The following PIGG variants were observed in gnomAD, a reference collection of about 807,000 sequenced individuals.
PIGG encodes the protein phosphatidylinositol glycan anchor biosynthesis class G (EMM blood group).
Under a neutral mutation model 83.2 loss-of-function variants are expected in PIGG, and 70 were observed. The observed-to-expected ratio is 0.84, with a 90% confidence interval of 0.69 to 1.03. The LOEUF is 1.03. PIGG is among the 50% of genes least tolerant of loss of function. PIGG has a pLI of 0.00. For missense variants in PIGG, 1,257 were observed against 1,233.6 expected (o/e 1.02, Z -0.28); for synonymous variants, 532 against 519.5 (o/e 1.02, Z -0.33).
At chr4:501,240 A>T (rs1048455628) in intron 2 of PIGG, 8 of 431,386 alleles carry the variant, frequency 1.9e-5, no homozygotes, top group Non-Finnish European at 3.2e-5. Context: ...TGGGTATGCA[A>T]TTGGGGAAAA....
chr4:521,204 G>A lies in PIGG; in HGVS notation c.1263G>A (p.Leu421=). The A allele has an allele frequency of 6.2e-7, 1 of 1,614,206 alleles. No homozygotes were observed. The highest frequency in any genetic ancestry group is 8.5e-7 in the Non-Finnish European group (1 of 1,180,032). The change falls in exon 7 of 13, where the codon TTG becomes TTA. Residue 421 remains leucine, a synonymous_variant. Transcript: ENST00000453061. The part of the protein sequence containing the change: ...QYLDALKTLS[L]SLSAQVAQYD... Reference sequence around the variant, plus strand: ...TGGATGCTCTGAAGACGCTGAGCTTGTCCCTGAGTGCACAAGTGGCCCAGT... The same window carrying A: ...TGGATGCTCTGAAGACGCTGAGCTTATCCCTGAGTGCACAAGTGGCCCAGT...
At chr4:536,541 G>C (rs899207326) in intron 12 of PIGG, among the ~76,000 whole-genome samples, 1 of 152,206 alleles carries the variant, frequency 6.6e-6, no homozygotes, top group African/African-American at 2.4e-5. Flanking sequence ...TCCAGACTTC[G>C]ATTCTGCATA....
intron 2 of PIGG, among the ~76,000 whole-genome samples, chr4:503,909 C>T (rs1400074577): frequency 6.6e-6 from 1 of 151,672 alleles, no homozygotes; most frequent in Non-Finnish European, 1.5e-5. Flanking sequence ...AAAGGATACT[C>T]ACCAAGAGTA....
rs1240428833 is a variant in PIGG, at chr4:499,793, C to T, written c.154+304C>T. On this transcript the variant is annotated intron_variant, in intron 1 of 12. Transcript: ENST00000453061. ...CTCGTCCAGAGCTCCCGCCCCTTTC[C>T]TGAGCAGCCTTTGGGTCACTCCCCG... The T allele has an allele frequency of 3.3e-6, 4 of 1,204,616 alleles. No homozygotes were observed. The African/African-American group carries it at 6.4e-5, about 19-fold the overall frequency. 74.6% of individuals were successfully genotyped at this position (1,204,616 alleles called of 1,614,324 possible).
intron 6 of PIGG, among the ~76,000 whole-genome samples, chr4:517,531 G>T (rs1410001080): frequency 1.3e-5 from 2 of 152,148 alleles, no homozygotes; most frequent in African/African-American, 4.8e-5. Flanking sequence ...GCCATGTAAA[G>T]AAGTAATTTC....
At chr4:538,817 TG>T (rs917862647) in intron 12 of PIGG, among the ~76,000 whole-genome samples, 2 of 152,026 alleles carry the variant, frequency 1.3e-5, no homozygotes, top group Admixed American at 6.5e-5. Flanking sequence ...AAGGTGTGTG[TG>T]GGGGGGGACA....
chr4:508,130 A>G lies in PIGG; in HGVS notation c.759+537A>G, dbSNP rs797041018. On this transcript the variant is annotated intron_variant, in intron 4 of 12. Coordinates refer to ENST00000453061, the MANE Select transcript of PIGG (RefSeq NM_001127178.3). The stretch of plus-strand genomic sequence containing the variant: ...TCGTGAAGCTCACGCTCTAGCCAGG[A>G]GAGATGAGAAAGATGAGTAAATAAG... Among the ~76,000 whole-genome samples the G allele has an allele frequency of 5.9e-5, 9 of 152,324 alleles. No homozygotes were observed. The South Asian group carries it at 1.9e-3, about 32-fold the overall frequency.
At chr4:507,188 C>G (rs542144259) in intron 3 of PIGG, among the ~76,000 whole-genome samples, 2 of 152,240 alleles carry the variant, frequency 1.3e-5, no homozygotes, top group Non-Finnish European at 2.9e-5. Flanking sequence ...AGTCTTCCCG[C>G]TTCAGCCTCC....
intron 10 of PIGG, chr4:527,447 T>G (rs910609797): frequency 7.6e-7 from 1 of 1,310,126 alleles, no homozygotes; most frequent in African/African-American, 1.5e-5. Flanking sequence ...TAGCACTTTT[T>G]ATGTTTTATG....
In PIGG at chr4:523,898, G is replaced by A; in HGVS notation, c.2054G>A (p.Gly685Asp). The A allele has an allele frequency of 6.5e-7, 1 of 1,529,884 alleles. No individual in the cohort carries two copies. Among genetic ancestry groups the A allele is most frequent in the Non-Finnish European group, 8.8e-7 (1 of 1,131,136 alleles). The allele number at this position is 1,529,884 out of a possible 1,614,324, so 94.8% of individuals were successfully genotyped here. Residue 685 changes from glycine (G) to aspartate (D), a missense_variant, in exon 9 of 13, where the codon GGC becomes GAC. Physicochemically the swap from Gly to Asp is moderately conservative, Grantham distance 94. Transcript: ENST00000453061. Reference protein sequence around the residue: ...GVQWAHRPDLGHWLTSSDHKA... With the variant: ...GVQWAHRPDLDHWLTSSDHKA... The stretch of plus-strand genomic sequence containing the variant: ...CAGTGGGCTCACCGGCCTGACCTCG[G>A]CCACTGGCTCACCAGGTGAGAGCGT...
intron 7 of PIGG, 93 bp from the exon 8 acceptor site, chr4:521,567 G>A: frequency 1.7e-6 from 2 of 1,203,932 alleles, no homozygotes; most frequent in Non-Finnish European, 2.3e-6. Context: ...TTTACTGTGT[G>A]GACAGCTGAC....
At position 505,928 on chromosome 4, in the gene PIGG, G is replaced by T. The variant is rs1719513784; in HGVS notation, c.570+1G>T. 6.2e-7 allele frequency: 1 copy of T among 1,603,142 alleles called. No homozygotes were observed. The highest frequency in any genetic ancestry group is 8.5e-7 in the Non-Finnish European group (1 of 1,171,568). On this transcript the variant is annotated splice_donor_variant, in intron 3 of 12. Transcript: ENST00000453061. LOFTEE classifies it high-confidence loss of function. ...ATTTTTCGTGTCAGATTACACAGAG[G>T]TCAGTTTTTAAAATAAGAAAATATA...
rs369902669 is a variant in PIGG at position 512,687 on chromosome 4, C to T, written c.902-3286C>T. On this transcript the variant is annotated intron_variant, in intron 5 of 12. Coordinates refer to ENST00000453061, the MANE Select transcript of PIGG (RefSeq NM_001127178.3). ...AAAATTAGCCAGATGTGGTGGTGGG[C>T]GCCTGTAATCCCAGCTACTCAGGAC... 5.2e-3 allele frequency among the ~76,000 whole-genome samples: 788 copies of T among 151,652 alleles called. 17 individuals carry two copies. The South Asian group carries it at 0.067, about 13-fold the overall frequency.
Position 521,113 on chromosome 4 carries a change from T to C in PIGG, c.1172T>C (p.Leu391Pro), listed in dbSNP as rs775584448. The C allele has an allele frequency of 7.4e-6, 12 of 1,614,210 alleles. No individual in the cohort carries two copies. Among genetic ancestry groups the C allele is most frequent in the East Asian group, 4.5e-5 (2 of 44,892 alleles). Residue 391 changes from leucine to proline, a missense_variant, in exon 7 of 13, where the codon CTG becomes CCG. Coordinates refer to ENST00000453061, the MANE Select transcript of PIGG (RefSeq NM_001127178.3). ...AGATTGCATGGGAACTGGATCAGAC[T>C]GTACTTGGAGGAAAAGCATTCAGAA... The part of the protein sequence containing the change: ...SERLHGNWIR[L>P]YLEEKHSEVL...
At chr4:524,859 T>C (rs1485209510) in intron 9 of PIGG, 1 of 152,198 alleles carries the variant, frequency 6.6e-6, no homozygotes, top group Admixed American at 6.5e-5. Context: ...GGTGTCACCA[T>C]GTTGGCTGGG....
At position 521,529 on chromosome 4, in the gene PIGG, C is replaced by A. The variant is rs1577093284; in HGVS notation, c.1333-131C>A. 3 of 885,174 alleles carry A rather than the reference C, an allele frequency of 3.4e-6. No individual in the cohort carries two copies. The East Asian group carries it at 7.9e-5, about 23-fold the overall frequency. The allele number at this position is 885,174 out of a possible 1,614,324, so 54.8% of individuals were successfully genotyped here. A position where few individuals can be genotyped will look rare whatever the true frequency, so the allele number is the denominator to read the frequency against. ...CATTTTGGGGCAGTTAATTAGGAATCATCTTTTCCTGAGCTTGCTTTTCTG... is the reference window on the plus strand; with the variant it reads ...CATTTTGGGGCAGTTAATTAGGAATAATCTTTTCCTGAGCTTGCTTTTCTG... On this transcript the variant is annotated intron_variant, in intron 7 of 12. Transcript: ENST00000453061.
intron 5 of PIGG, among the ~76,000 whole-genome samples, chr4:510,111 A>T (rs1721376292): frequency 1.3e-5 from 2 of 152,172 alleles, no homozygotes; most frequent in Non-Finnish European, 2.9e-5. Context: ...ACACACACAG[A>T]AATACAGAGG....
At position 539,212 on chromosome 4, in the gene PIGG, T is replaced by G. The variant is rs1127410; in HGVS notation, c.2795T>G (p.Phe932Cys). ...GCACTGATTTGTTCTATTCCAGTTTTCACGTACATCGTTTTGGTGACATCT... is the reference window on the plus strand; with the variant it reads ...GCACTGATTTGTTCTATTCCAGTTTGCACGTACATCGTTTTGGTGACATCT... Reference protein sequence around the residue: ...CYALICSIPVFTYIVLVTSLR... With the variant: ...CYALICSIPVCTYIVLVTSLR... Residue 932 changes from phenylalanine (F) to cysteine (C), a missense_variant, in exon 13 of 13, where the codon TTC becomes TGC. Transcript: ENST00000453061. The G allele has an allele frequency of 6.2e-7, 1 of 1,613,376 alleles. No individual in the cohort carries two copies. Among genetic ancestry groups the G allele is most frequent in the Non-Finnish European group, 8.5e-7 (1 of 1,179,394 alleles).
At position 515,654 on chromosome 4, in the gene PIGG, C is replaced by A. The variant is rs1473672163; in HGVS notation, c.902-319C>A. Among the ~76,000 whole-genome samples, 4 of 152,188 alleles carry A rather than the reference C, an allele frequency of 2.6e-5. No homozygotes were observed. Among genetic ancestry groups the A allele is most frequent in the Admixed American group, 2.6e-4 (4 of 15,272 alleles). The stretch of plus-strand genomic sequence containing the variant: ...TGTTGACCTTGCCAAAGTGACAGTC[C>A]CTCCGTGTCTGCGGGACCACCTGCT... On this transcript the variant is annotated intron_variant, in intron 5 of 12. Coordinates refer to ENST00000453061, the MANE Select transcript of PIGG (RefSeq NM_001127178.3). This position sits in a 1 kb window ranked among gnomAD's most constrained non-coding sequence, Gnocchi z 4.2.
Sources: gnomAD v4.1 joint callset for allele counts (sites outside exome capture counted in the v4.1 genomes callset) on GRCh38, gnomAD v4.1.1 for gene constraint, Gnocchi (gnomAD v3.1) non-coding constraint, MANE v1.5 for transcripts, NCBI Gene and HGNC (gene_info 2026-07-23, HGNC 2026-07-21) for gene names.